Variants in KCNN2 observed in about 807,000 individuals in gnomAD.
The protein encoded by KCNN2 is small conductance calcium-activated potassium channel protein 2.
A neutral mutation model predicts 55.5 loss-of-function variants in KCNN2; 24 were observed. The ratio of observed to expected loss-of-function variants is 0.43; its 90% CI spans 0.31 to 0.61. KCNN2 has a LOEUF of 0.61. Among genes scored for constraint, KCNN2 ranks in the 20% least tolerant of loss-of-function variants. The probability of loss-of-function intolerance (pLI) is 0.08; values close to 1 mark genes in which losing one functional copy is unlikely to be tolerated. For synonymous variants in KCNN2, 431 were observed against 336.1 expected, an observed-to-expected ratio of 1.28 and a Z score of -3.09; for missense variants, 754 against 853.6, an observed-to-expected ratio of 0.88 and a Z score of 1.45.
Position 114,350,056 on chromosome 5 carries a change from A to T in KCNN2, c.-184-10889A>T, listed in dbSNP as rs192441636. ...TTGACCATTTTTATGTCTTCTTTGG[A>T]TAAATGTCTATTCAGAGATTTTGCC... On this transcript the variant is annotated intron_variant, in intron 2 of 10. Coordinates refer to the KCNN2 transcript ENST00000512097. 6.9e-4 allele frequency among the ~76,000 whole-genome samples: 105 copies of T among 152,094 alleles called. No homozygotes were observed. In the Middle Eastern group the frequency reaches 0.01, roughly 15 times the overall value.
chr5:114,156,327 C>G (rs1319270768), intron 1 of KCNN2, among the ~76,000 whole-genome samples: 1 of 152,078 alleles, frequency 6.6e-6, no homozygotes, highest in Non-Finnish European at 1.5e-5. Flanking sequence ...ATGCCTCTAG[C>G]TTTGTTCTTT....
chr5:114,153,501 CTG>C (rs1404953686), intron 1 of KCNN2, among the ~76,000 whole-genome samples: 3 of 152,124 alleles, frequency 2.0e-5, no homozygotes, highest in African/African-American at 4.8e-5. Context: ...CAAAAAAAAA[CTG>C]TATCACTTAC....
At chr5:114,090,985 G>A (rs1580503205) in intron 1 of KCNN2, among the ~76,000 whole-genome samples, 2 of 152,236 alleles carry the variant, frequency 1.3e-5, no homozygotes, top group East Asian at 3.9e-4. Flanking sequence ...CTACAGGCAT[G>A]TACCATGCCC....
At chr5:114,339,814 C>CAAATAAAT (rs373432627) in intron 2 of KCNN2, among the ~76,000 whole-genome samples, 15,598 of 146,994 alleles carry the variant, frequency 0.11, 973 homozygotes, top group African/African-American at 0.14. Flanking sequence ...AACAAACAAA[C>CAAATAAAT]AAATAAATAA....
intron 1 of KCNN2, among the ~76,000 whole-genome samples, chr5:114,100,985 C>A (rs574128176): frequency 6.8e-6 from 1 of 147,334 alleles, no homozygotes; most frequent in African/African-American, 2.5e-5. Flanking sequence ...TATATAATAT[C>A]CTTATTTTAT....
At chr5:114,386,641 C>T (rs980365190) in intron 2 of KCNN2, among the ~76,000 whole-genome samples, 76 of 152,118 alleles carry the variant, frequency 5.0e-4, no homozygotes, top group African/African-American at 1.8e-3. Context: ...TTAAAAATTC[C>T]CACCATCTGA....
intron 4 of KCNN2, among the ~76,000 whole-genome samples, chr5:114,463,564 A>T (rs1184335580): frequency 1.3e-5 from 2 of 152,186 alleles, no homozygotes; most frequent in Admixed American, 1.3e-4. Flanking sequence ...CTATCTTGAA[A>T]TGTGTTGAAG....
At chr5:114,168,341 A>G (rs1490359793) in intron 1 of KCNN2, among the ~76,000 whole-genome samples, 4 of 152,048 alleles carry the variant, frequency 2.6e-5, no homozygotes, top group African/African-American at 7.2e-5. Context: ...GTCTTTAATT[A>G]AATACTTCAA....
intron 1 of KCNN2, among the ~76,000 whole-genome samples, chr5:114,081,223 A>T (rs1750810837): frequency 6.6e-6 from 1 of 152,090 alleles, no homozygotes; most frequent in Non-Finnish European, 1.5e-5. Flanking sequence ...TACCCCCCAA[A>T]ATCTACAGAT....
chr5:114,138,827 G>A (rs1219113624), intron 1 of KCNN2, among the ~76,000 whole-genome samples: 1 of 152,134 alleles, frequency 6.6e-6, no homozygotes, highest in Admixed American at 6.6e-5. Flanking sequence ...AAGGCAGAAT[G>A]AGAAACATGG....
intron 1 of KCNN2, among the ~76,000 whole-genome samples, chr5:114,090,476 C>G (rs1051350646): frequency 6.6e-6 from 1 of 151,908 alleles, no homozygotes; most frequent in African/African-American, 2.4e-5. Flanking sequence ...ATGTGTTCTA[C>G]AGGAAAGACT....
In KCNN2 at chr5:114,423,380, A is replaced by G. The variant is rs183968622; in HGVS notation, c.1637+18524A>G. Among the ~76,000 whole-genome samples the G allele has an allele frequency of 5.4e-4, 82 of 152,316 alleles. No homozygotes were observed. In the South Asian group the frequency reaches 9.5e-3, roughly 18 times the overall value. ...ACAAGAAGAAAAACAGAATGGTACGATATGAGCCTAAATAAAGAGGCTAAT... is the reference window on the plus strand; with the variant it reads ...ACAAGAAGAAAAACAGAATGGTACGGTATGAGCCTAAATAAAGAGGCTAAT... On this transcript the variant is annotated intron_variant, in intron 3 of 7. Coordinates refer to ENST00000673685, the MANE Select transcript of KCNN2 (RefSeq NM_021614.4).
chr5:114,381,362 GAGAC>G (rs1465093425), intron 2 of KCNN2, among the ~76,000 whole-genome samples: 1 of 152,170 alleles, frequency 6.6e-6, no homozygotes, highest in Non-Finnish European at 1.5e-5. Flanking sequence ...TGTATTGAAA[GAGAC>G]AGATTTTGTA....
At chr5:114,281,466 GC>G (rs1459843780) in intron 2 of KCNN2, among the ~76,000 whole-genome samples, 4 of 151,998 alleles carry the variant, frequency 2.6e-5, no homozygotes, top group Non-Finnish European at 4.4e-5. Flanking sequence ...TTTGAGTGTG[GC>G]AAACTTTTTT....
chr5:114,198,376 A>G (rs149469732), intron 1 of KCNN2, among the ~76,000 whole-genome samples: 2,145 of 150,260 alleles, frequency 0.014, 44 homozygotes, highest in African/African-American at 0.049. Flanking sequence ...ATATATACAT[A>G]TATACATATA....
intron 2 of KCNN2, among the ~76,000 whole-genome samples, chr5:114,303,548 G>A (rs1426690658): frequency 3.9e-5 from 6 of 152,154 alleles, no homozygotes; most frequent in South Asian, 2.1e-4. Context: ...CTGACAGCTC[G>A]GAACCACTGA....
chr5:114,286,738 T>C (rs1580694892), intron 2 of KCNN2, among the ~76,000 whole-genome samples: 3 of 152,168 alleles, frequency 2.0e-5, no homozygotes. Context: ...AATGAGTTTC[T>C]AGTACAGAGA....
At chr5:114,271,973 G>A (rs528483659) in intron 2 of KCNN2, among the ~76,000 whole-genome samples, 2 of 152,156 alleles carry the variant, frequency 1.3e-5, no homozygotes, top group Non-Finnish European at 2.9e-5. Flanking sequence ...TCTTAGTGCA[G>A]TATCTGGCAT....
chr5:114,415,332 T>A (rs1035586245), intron 3 of KCNN2, among the ~76,000 whole-genome samples: 9 of 152,234 alleles, frequency 5.9e-5, no homozygotes, highest in Non-Finnish European at 1.2e-4. Context: ...GGTAGCCATC[T>A]AAGAGTATAT....
Sources: allele counts gnomAD v4.1 joint callset (sites outside exome capture counted in the v4.1 genomes callset), GRCh38; gene constraint gnomAD v4.1.1; transcripts MANE v1.5; gene names NCBI Gene and HGNC (gene_info 2026-07-23, HGNC 2026-07-21).